Variants in CNKSR3 observed in about 807,000 individuals in gnomAD.
The protein encoded by CNKSR3 is connector enhancer of kinase suppressor of ras 3.
Under a neutral mutation model 67.7 loss-of-function variants are expected in CNKSR3, and 36 were observed. That is an observed-to-expected ratio of 0.53 (90% CI 0.41 to 0.70). The LOEUF (loss-of-function observed/expected upper bound fraction) is 0.70, where lower values mean the gene tolerates loss of function less well. CNKSR3 is among the 30% of genes least tolerant of loss of function. The pLI, the probability that CNKSR3 is intolerant of heterozygous loss-of-function variation, is 0.00. For synonymous variants in CNKSR3, 281 were observed against 271.4 expected (o/e 1.04, Z -0.35); for missense variants, 630 against 695.2 (o/e 0.91, Z 1.05).
intron 7 of CNKSR3, among the ~76,000 whole-genome samples, chr6:154,423,991 G>A (rs1185698710): frequency 6.6e-6 from 1 of 152,066 alleles, no homozygotes; most frequent in East Asian, 1.9e-4. Flanking sequence ...CCAGCACTTT[G>A]GGAGGCCCAG....
intron 1 of CNKSR3, among the ~76,000 whole-genome samples, chr6:154,462,261 G>T (rs1314092403): frequency 7.0e-6 from 1 of 143,674 alleles, no homozygotes; most frequent in Non-Finnish European, 1.5e-5. Context: ...CAATAACGTT[G>T]TATAAGTTCC....
At chr6:154,435,058 A>G (rs1785444041) in intron 4 of CNKSR3, among the ~76,000 whole-genome samples, 2 of 149,574 alleles carry the variant, frequency 1.3e-5, no homozygotes, top group Non-Finnish European at 3.0e-5. Flanking sequence ...GCAATGGTGC[A>G]ATCTCAGCTC....
intron 1 of CNKSR3, 56 bp downstream of exon 1, chr6:154,510,007 T>C: frequency 6.3e-7 from 1 of 1,596,230 alleles, no homozygotes; most frequent in Non-Finnish European, 8.6e-7. Flanking sequence ...CCCCAGCTCC[T>C]CGTCCGCCCC....
chr6:154,508,612 C>T (rs989577194), intron 1 of CNKSR3, among the ~76,000 whole-genome samples: 3 of 152,218 alleles, frequency 2.0e-5, no homozygotes, highest in Admixed American at 2.0e-4. Context: ...CTAGCGTGGG[C>T]ATGGATGGCT....
At position 154,491,008 on chromosome 6, in the gene CNKSR3, C is replaced by T. The variant is rs558332184; in HGVS notation, c.52+19055G>A. 7.2e-5 allele frequency among the ~76,000 whole-genome samples: 11 copies of T among 152,108 alleles called. No homozygotes were observed. The East Asian group carries it at 1.2e-3, about 16-fold the overall frequency. ...GATTACAAGCGCCCGCCACCATGCC[C>T]GGCTAATTTTGTATTTTTAGTAGAG... On this transcript the variant is annotated intron_variant, in intron 1 of 12. Transcript: ENST00000607772.
At chr6:154,505,049 G>A (rs918974764) in intron 1 of CNKSR3, among the ~76,000 whole-genome samples, 3 of 151,228 alleles carry the variant, frequency 2.0e-5, no homozygotes, top group Admixed American at 6.6e-5. Flanking sequence ...GTAGACCTAC[G>A]GCTGCTAAAA....
At position 154,403,819 on chromosome 6, in the gene CNKSR3, T is replaced by G. The variant is rs1784742643; in HGVS notation, c.*2535A>C. ...GACTGCCGAATATTCACTTAAAGGATGGCTGTTCAATTCACAAGTGGCATT... is the reference window on the plus strand; with the variant it reads ...GACTGCCGAATATTCACTTAAAGGAGGGCTGTTCAATTCACAAGTGGCATT... On this transcript the variant is annotated 3_prime_UTR_variant, in exon 13 of 13. Coordinates refer to ENST00000607772, the MANE Select transcript of CNKSR3 (RefSeq NM_173515.4). 6.6e-6 allele frequency: 1 copy of G among 152,160 alleles called. No homozygotes were observed. The highest frequency in any genetic ancestry group is 2.4e-5 in the African/African-American group (1 of 41,426). The allele number at this position is 152,160 out of a possible 1,614,324, so 9.4% of individuals were successfully genotyped here.
intron 1 of CNKSR3, among the ~76,000 whole-genome samples, chr6:154,492,756 A>C (rs1239851979): frequency 6.6e-6 from 1 of 150,724 alleles, no homozygotes; most frequent in Non-Finnish European, 1.5e-5. Flanking sequence ...AAAAAAAAAA[A>C]AACAAAAAAC....
chr6:154,485,342 G>A (rs142550931), intron 1 of CNKSR3, among the ~76,000 whole-genome samples: 149 of 152,258 alleles, frequency 9.8e-4, no homozygotes, highest in African/African-American at 3.4e-3. Context: ...TTGGAAAGGG[G>A]CTTCTTTGGC....
intron 7 of CNKSR3, among the ~76,000 whole-genome samples, chr6:154,424,774 T>C (rs759994454): frequency 1.3e-5 from 2 of 152,112 alleles, no homozygotes; most frequent in Non-Finnish European, 2.9e-5. Context: ...GTTGTTGTTG[T>C]TGTTGTTTTT....
chr6:154,408,950 A>G (rs1784855946), intron 12 of CNKSR3, among the ~76,000 whole-genome samples: 1 of 152,200 alleles, frequency 6.6e-6, no homozygotes, highest in South Asian at 2.1e-4. Context: ...TCCATGTATA[A>G]AATAAATAAA....
chr6:154,442,376 A>G, intron 2 of CNKSR3, 86 bp from the exon 3 acceptor site: 3 of 1,149,658 alleles, frequency 2.6e-6, no homozygotes, highest in Non-Finnish European at 3.8e-6. Context: ...TAATCCTAGC[A>G]CTTTGGGAGG....
At chr6:154,413,175 C>CAA (rs1562319938) in intron 10 of CNKSR3, among the ~76,000 whole-genome samples, 2 of 149,630 alleles carry the variant, frequency 1.3e-5, no homozygotes, top group African/African-American at 2.5e-5. Flanking sequence ...CACACACACA[C>CAA]AAATATGAAA....
chr6:154,452,588 T>A (rs545616603), intron 1 of CNKSR3, among the ~76,000 whole-genome samples: 2 of 152,366 alleles, frequency 1.3e-5, no homozygotes, highest in South Asian at 4.1e-4. Context: ...TTTTAATTCA[T>A]CATACAAGTT....
At chr6:154,499,939 G>GT (rs1050106737) in intron 1 of CNKSR3, among the ~76,000 whole-genome samples, 3 of 152,122 alleles carry the variant, frequency 2.0e-5, no homozygotes, top group South Asian at 2.1e-4. Context: ...GAGTATTTAT[G>GT]TTTTTTTAAA....
At chr6:154,441,162 CT>C (rs1262783119) in intron 4 of CNKSR3, 129 bp downstream of exon 4, 5 of 606,958 alleles carry the variant, frequency 8.2e-6, no homozygotes, top group African/African-American at 5.8e-5. Flanking sequence ...CTTCCCAGCT[CT>C]GATGGAAAAA....
intron 1 of CNKSR3, among the ~76,000 whole-genome samples, chr6:154,482,440 C>T (rs182339362): frequency 1.3e-5 from 2 of 152,260 alleles, no homozygotes; most frequent in East Asian, 3.9e-4. Flanking sequence ...CTAAGAGGCA[C>T]TTAGATTTTT....
intron 2 of CNKSR3, among the ~76,000 whole-genome samples, chr6:154,443,495 T>C (rs1308914639): frequency 1.3e-5 from 2 of 151,738 alleles, no homozygotes; most frequent in Non-Finnish European, 2.9e-5. Context: ...CACCCACTTC[T>C]GCCCCATCTG....
intron 1 of CNKSR3, among the ~76,000 whole-genome samples, chr6:154,457,191 G>C (rs1189155177): frequency 2.0e-5 from 3 of 152,138 alleles, no homozygotes; most frequent in Non-Finnish European, 4.4e-5. Flanking sequence ...AGCGTAGTAT[G>C]ATTAATGGAG....
Sources: allele counts gnomAD v4.1 joint callset (sites outside exome capture counted in the v4.1 genomes callset), GRCh38; gene constraint gnomAD v4.1.1; transcripts MANE v1.5; gene names NCBI Gene and HGNC (gene_info 2026-07-23, HGNC 2026-07-21).